VPS53: variants seen among roughly 807,000 people sequenced by gnomAD.
The protein encoded by VPS53 is vacuolar protein sorting-associated protein 53 homolog.
In VPS53, 70 loss-of-function variants were observed where a neutral mutation model predicts 107.0. The ratio of observed to expected loss-of-function variants is 0.65; its 90% CI spans 0.54 to 0.80. VPS53 has a LOEUF of 0.80. Ranked by LOEUF, VPS53 falls within the 30% of genes least tolerant of loss-of-function variation. The pLI, the probability that VPS53 is intolerant of heterozygous loss-of-function variation, is 0.00. For synonymous variants in VPS53, 409 were observed against 393.3 expected (o/e 1.04, Z -0.47); for missense variants, 917 against 1,049.4 (o/e 0.87, Z 1.74).
chr17:570,425 C>G (rs1476515450), intron 13 of VPS53, among the ~76,000 whole-genome samples: 1 of 146,916 alleles, frequency 6.8e-6, no homozygotes, highest in Non-Finnish European at 1.5e-5. Flanking sequence ...TTGGGATAAA[C>G]TGGCATTCTG....
At position 562,512 on chromosome 17, in the gene VPS53, T is replaced by G; in HGVS notation, c.1547A>C (p.Asn516Thr). Reference sequence around the variant, plus strand: ...GAAGAACAGGACTCACTTGGGCAGGTTGCCAGAGAGGATTTTCCAGGCGTA... The same window carrying G: ...GAAGAACAGGACTCACTTGGGCAGGGTGCCAGAGAGGATTTTCCAGGCGTA... ...REYAWKILSGNLPKTTTSSGG... is the reference protein window; with the variant it reads ...REYAWKILSGTLPKTTTSSGG... The change falls in exon 14 of 22, where the codon AAC becomes ACC. Residue 516 changes from asparagine to threonine, a missense_variant. Transcript: ENST00000437048. 4 of 1,614,058 alleles carry G rather than the reference T, an allele frequency of 2.5e-6. No homozygotes were observed. The highest frequency in any genetic ancestry group is 3.4e-6 in the Non-Finnish European group (4 of 1,180,012).
intron 12 of VPS53, among the ~76,000 whole-genome samples, chr17:598,359 T>G (rs1020775375): frequency 5.1e-4 from 77 of 151,998 alleles, no homozygotes; most frequent in African/African-American, 1.5e-3. Context: ...AGTGCCGAGA[T>G]TGCAGCCTCT....
intron 12 of VPS53, among the ~76,000 whole-genome samples, chr17:597,332 C>A (rs999694234): frequency 3.9e-5 from 6 of 152,120 alleles, no homozygotes; most frequent in Admixed American, 1.3e-4. Flanking sequence ...GTCCCTCCCC[C>A]ACCCCAAGAG....
chr17:623,252 T>C (rs564614632), intron 11 of VPS53, among the ~76,000 whole-genome samples: 1 of 152,272 alleles, frequency 6.6e-6, no homozygotes, highest in South Asian at 2.1e-4. Context: ...TGTGACTGAG[T>C]AAGGCCTCTG....
chr17:628,351 T>G, intron 8 of VPS53, 120 bp from the exon 9 acceptor site: 2 of 1,185,714 alleles, frequency 1.7e-6, no homozygotes, highest in South Asian at 3.0e-5. Flanking sequence ...TCCTTCACAC[T>G]CATTCTTTCT....
At position 515,393 on chromosome 17, in the gene VPS53, G is replaced by A. The variant is rs887513706; in HGVS notation, c.*3735C>T. 5.9e-5 allele frequency: 9 copies of A among 151,914 alleles called. No individual in the cohort carries two copies. Among genetic ancestry groups the A allele is most frequent in the Admixed American group, 3.9e-4 (6 of 15,266 alleles). The allele number at this position is 151,914 out of a possible 1,614,324, so 9.4% of individuals were successfully genotyped here. ...ATTACAGGCGCCCACCACCACGCCT[G>A]GCTAATTTTGTATTTTTAGTAAAGA... On this transcript the variant is annotated 3_prime_UTR_variant, in exon 22 of 22. Coordinates refer to ENST00000437048, the MANE Select transcript of VPS53 (RefSeq NM_001128159.3).
At chr17:550,143 G>A (rs187946726) in intron 17 of VPS53, among the ~76,000 whole-genome samples, 2 of 152,274 alleles carry the variant, frequency 1.3e-5, no homozygotes, top group African/African-American at 2.4e-5. Flanking sequence ...GGGAGGCAGA[G>A]ATCCACAGTT....
rs551753182 is a variant in VPS53 at position 635,017 on chromosome 17, G to C, written c.609-3389C>G. Among the ~76,000 whole-genome samples, 3 of 152,300 alleles carry C rather than the reference G, an allele frequency of 2.0e-5. No homozygotes were observed. In the East Asian group the frequency reaches 5.8e-4, roughly 29 times the overall value. On this transcript the variant is annotated intron_variant, in intron 7 of 21. Transcript: ENST00000437048. ...ACTAGTTTACATTACCACCAACAGT[G>C]TAAAATTGTTCCTATTTCTCCACAT...
chr17:569,857 T>C (rs1913872740), intron 13 of VPS53, among the ~76,000 whole-genome samples: 1 of 150,770 alleles, frequency 6.6e-6, no homozygotes, highest in Non-Finnish European at 1.5e-5. Flanking sequence ...GGAGCCGAGA[T>C]TATGTCACTG....
At chr17:691,013 A>G (rs1597492097) in intron 4 of VPS53, among the ~76,000 whole-genome samples, 1 of 152,250 alleles carries the variant, frequency 6.6e-6, no homozygotes, top group Non-Finnish European at 1.5e-5. Context: ...CAACTGTCTC[A>G]GTGTATATGT....
At chr17:707,185 A>G (rs1973439776) in intron 2 of VPS53, among the ~76,000 whole-genome samples, 1 of 152,210 alleles carries the variant, frequency 6.6e-6, no homozygotes, top group Non-Finnish European at 1.5e-5. Context: ...ACATATGTAT[A>G]TAATATTCTG....
At chr17:604,443 G>A (rs1327972213) in intron 11 of VPS53, among the ~76,000 whole-genome samples, 3 of 152,144 alleles carry the variant, frequency 2.0e-5, no homozygotes, top group African/African-American at 7.2e-5. Context: ...ACGGAGAGGG[G>A]AGGAAGAAGT....
rs1160046574 is a variant in VPS53, at chr17:511,004, T to C, written c.*8124A>G. On this transcript the variant is annotated 3_prime_UTR_variant, in exon 22 of 22. Transcript: ENST00000437048. The stretch of plus-strand genomic sequence containing the variant: ...ATGAGGTTGTGGGGGGCTCTGTGTG[T>C]AAACTGATGTTTCTTTATACAGCAT... The C allele has an allele frequency of 6.6e-6, 1 of 152,346 alleles. No individual in the cohort carries two copies. The highest frequency in any genetic ancestry group is 1.5e-5 in the Non-Finnish European group (1 of 68,094). 9.4% of individuals were successfully genotyped at this position (152,346 alleles called of 1,614,324 possible).
At chr17:658,904 G>T (rs1051678788) in intron 5 of VPS53, among the ~76,000 whole-genome samples, 3 of 152,234 alleles carry the variant, frequency 2.0e-5, no homozygotes, top group Admixed American at 2.0e-4. Context: ...GTTACGACCT[G>T]CACAGCTCAA....
chr17:576,161 T>G (rs1914590810), intron 13 of VPS53, among the ~76,000 whole-genome samples: 1 of 151,010 alleles, frequency 6.6e-6, no homozygotes, highest in Non-Finnish European at 1.5e-5. Flanking sequence ...AGAACCTCCC[T>G]CAGAACCTAA....
At chr17:701,880 A>C (rs1310191140) in intron 2 of VPS53, among the ~76,000 whole-genome samples, 1 of 152,030 alleles carries the variant, frequency 6.6e-6, no homozygotes, top group African/African-American at 2.4e-5. Flanking sequence ...AGGTACATGC[A>C]CTGAGCCTGG....
chr17:629,682 G>C (rs1272398122), intron 8 of VPS53, among the ~76,000 whole-genome samples: 2 of 151,714 alleles, frequency 1.3e-5, no homozygotes, highest in Non-Finnish European at 2.9e-5. Flanking sequence ...AGAATGGCAT[G>C]AACTCGGAAG....
intron 17 of VPS53, chr17:537,875 C>G (rs1910230555): frequency 1.3e-5 from 2 of 151,992 alleles, no homozygotes; most frequent in African/African-American, 4.8e-5. Flanking sequence ...ACTCCTAAAA[C>G]CTTTGGGATT....
At position 623,492 on chromosome 17, in the gene VPS53, C is replaced by G. The variant is rs528474995; in HGVS notation, c.1116+41G>C. On this transcript the variant is annotated intron_variant, in intron 11 of 21. Coordinates refer to ENST00000437048, the MANE Select transcript of VPS53 (RefSeq NM_001128159.3). ...GAAACCCTGAATCCCAACCACCCAACCCACTGATTTCACGTGGCAGCTCCC... is the reference window on the plus strand; with the variant it reads ...GAAACCCTGAATCCCAACCACCCAAGCCACTGATTTCACGTGGCAGCTCCC... 3 of 1,585,496 alleles carry G rather than the reference C, an allele frequency of 1.9e-6. No homozygotes were observed. In the East Asian group the frequency reaches 6.7e-5, roughly 36 times the overall value.
Sources: gnomAD v4.1 joint callset for allele counts (sites outside exome capture counted in the v4.1 genomes callset) on GRCh38, gnomAD v4.1.1 for gene constraint, MANE v1.5 for transcripts, NCBI Gene and HGNC (gene_info 2026-07-23, HGNC 2026-07-21) for gene names.